The following CEP104 variants were observed in gnomAD, a reference collection of about 807,000 sequenced individuals.
CEP104 encodes centrosomal protein 104, also known as centrosomal protein of 104 kDa.
CEP104 carries 84 observed loss-of-function variants against 113.3 expected under a neutral mutation model. The observed-to-expected ratio is 0.74, with a 90% confidence interval of 0.62 to 0.89. CEP104 has a LOEUF of 0.89. CEP104 is among the 40% of genes least tolerant of loss of function. CEP104 has a pLI of 0.00. For synonymous variants in CEP104, 378 were observed against 421.7 expected (o/e 0.90, Z 1.27); for missense variants, 1,053 against 1,156.6 (o/e 0.91, Z 1.30).
chr1:3,850,513 G>C (rs1200345827), intron 2 of CEP104, among the ~76,000 whole-genome samples: 1 of 152,260 alleles, frequency 6.6e-6, no homozygotes, highest in Admixed American at 6.5e-5. Flanking sequence ...CGGCACTGGG[G>C]GTCTCCCTAT....
chr1:3,817,338 T>A (rs2124632472), intron 20 of CEP104, among the ~76,000 whole-genome samples: 1 of 152,136 alleles, frequency 6.6e-6, no homozygotes, highest in Non-Finnish European at 1.5e-5. Context: ...TGAGACTCCA[T>A]CTCAAAAACA....
rs1432111516 is a variant in CEP104, at chr1:3,857,207, G to A, written c.-333C>T. On this transcript the variant is annotated 5_prime_UTR_variant, in exon 1 of 22. Coordinates refer to ENST00000378230, the MANE Select transcript of CEP104 (RefSeq NM_014704.4). The stretch of plus-strand genomic sequence containing the variant: ...TCCACTCTCATGACAACCAAGCCCA[G>A]CCCTGGGCCAGGGCCTCTGCGCGTG... The A allele has an allele frequency of 1.8e-5, 3 of 163,286 alleles. No individual in the cohort carries two copies. Among genetic ancestry groups the A allele is most frequent in the African/African-American group, 7.2e-5 (3 of 41,888 alleles). 10.1% of individuals were successfully genotyped at this position (163,286 alleles called of 1,614,324 possible).
At position 3,833,934 on chromosome 1, in the gene CEP104, G is replaced by A. The variant is rs1218593430; in HGVS notation, c.1587C>T (p.Thr529=). Residue 529 remains threonine (T), a synonymous_variant, in exon 12 of 22, where the codon ACC becomes ACT. Coordinates refer to ENST00000378230, the MANE Select transcript of CEP104 (RefSeq NM_014704.4). The part of the protein sequence containing the change: ...KLETAHCVER[T]IPVLLTRTGD... ...CAGTTCTGGTGAGCAAAACGGGAAT[G>A]GTCCTCTCCACACAGTGAGCTGTTT... 1 of 1,614,116 alleles carries A rather than the reference G, an allele frequency of 6.2e-7. No homozygotes were observed. Among genetic ancestry groups the A allele is most frequent in the Admixed American group, 1.7e-5 (1 of 60,014 alleles).
intron 2 of CEP104, among the ~76,000 whole-genome samples, chr1:3,851,428 T>C (rs776947195): frequency 1.6e-4 from 24 of 152,100 alleles, no homozygotes; most frequent in Non-Finnish European, 1.6e-4. Flanking sequence ...TATTTACGCG[T>C]TCGCGGGTTA....
Position 3,848,714 on chromosome 1 carries a change from A to G in CEP104, c.181T>C (p.Leu61=), listed in dbSNP as rs373805672. The change falls in exon 3 of 22, where the codon TTA becomes CTA. Residue 61 remains leucine (L), a synonymous_variant. Transcript: ENST00000378230. The part of the protein sequence containing the change: ...VERCRIRKLQ[L]LAHQYMISSK... ...GAAATCATATACTGGTGAGCAAGTAACTGCAGTTTCCTTATTCGACATCTC... is the reference window on the plus strand; with the variant it reads ...GAAATCATATACTGGTGAGCAAGTAGCTGCAGTTTCCTTATTCGACATCTC... 13 of 1,613,810 alleles carry G rather than the reference A, an allele frequency of 8.1e-6. No individual in the cohort carries two copies. Among genetic ancestry groups the G allele is most frequent in the Non-Finnish European group, 1.1e-5 (13 of 1,179,878 alleles).
chr1:3,844,113 A>G (rs1644464211), intron 6 of CEP104, among the ~76,000 whole-genome samples: 1 of 152,184 alleles, frequency 6.6e-6, no homozygotes, highest in Non-Finnish European at 1.5e-5. Context: ...CCTCTAAAGA[A>G]TAAACTTTTG....
intron 1 of CEP104, among the ~76,000 whole-genome samples, chr1:3,856,520 A>G (rs530115340): frequency 4.3e-4 from 66 of 152,368 alleles, no homozygotes; most frequent in African/African-American, 1.6e-3. Flanking sequence ...ATAGGGACAG[A>G]GCAATTTTCC....
intron 20 of CEP104, among the ~76,000 whole-genome samples, chr1:3,822,214 T>TGA (rs61301856): frequency 1.2e-3 from 183 of 151,816 alleles, no homozygotes; most frequent in Middle Eastern, 6.8e-3. Context: ...TTTCAAACTC[T>TGA]GAGAGAGAGA....
chr1:3,838,847 G>A (rs1644361941), intron 8 of CEP104, 117 bp downstream of exon 8: 3 of 1,093,592 alleles, frequency 2.7e-6, no homozygotes, highest in Admixed American at 1.9e-5. Flanking sequence ...TGTCCCCTGA[G>A]CACTGCAGAG....
Position 3,848,796 on chromosome 1 carries a change from A to G in CEP104, c.114-15T>C, listed in dbSNP as rs1450321866. 3.1e-6 allele frequency: 5 copies of G among 1,601,072 alleles called. No individual in the cohort carries two copies. The highest frequency in any genetic ancestry group is 4.3e-6 in the Non-Finnish European group (5 of 1,175,396). On this transcript the variant is annotated splice_polypyrimidine_tract_variant and intron_variant, in intron 2 of 21. Transcript: ENST00000378230. ...ACTGGCAAAATCTGAAAGCAAACAC[A>G]TTTTTATATTTTCTGAACAACTTCT...
At chr1:3,831,773 A>G (rs1644213067) in intron 12 of CEP104, among the ~76,000 whole-genome samples, 1 of 152,268 alleles carries the variant, frequency 6.6e-6, no homozygotes, top group South Asian at 2.1e-4. Flanking sequence ...AGAGAAAAAA[A>G]TAAGATGTTG....
At chr1:3,836,444 G>A in intron 10 of CEP104, 51 bp downstream of exon 10, 2 of 1,560,006 alleles carry the variant, frequency 1.3e-6, no homozygotes, top group Middle Eastern at 2.2e-4. Flanking sequence ...GTACCATATA[G>A]ACTAGCCTCC....
At chr1:3,828,569 A>G (rs6657042) in intron 15 of CEP104, among the ~76,000 whole-genome samples, 81,432 of 152,068 alleles carry the variant, frequency 0.54, 22,685 homozygotes, top group African/African-American at 0.66. Flanking sequence ...CTCTGCGTGC[A>G]CTGTGCAGCC....
At chr1:3,841,427 C>T (rs1482311944) in intron 6 of CEP104, among the ~76,000 whole-genome samples, 1 of 152,190 alleles carries the variant, frequency 6.6e-6, no homozygotes, top group Non-Finnish European at 1.5e-5. Flanking sequence ...TTTGGGGTGT[C>T]TACAAGATCA....
At chr1:3,835,599 C>T (rs993423515) in intron 10 of CEP104, among the ~76,000 whole-genome samples, 19 of 152,220 alleles carry the variant, frequency 1.2e-4, no homozygotes, top group African/African-American at 4.3e-4. Context: ...TCTTGAACTC[C>T]TGACCTCGTG....
chr1:3,835,142 C>A, intron 10 of CEP104, 50 bp from the exon 11 acceptor site: 3 of 1,448,222 alleles, frequency 2.1e-6, no homozygotes, highest in South Asian at 1.5e-5. Flanking sequence ...CATCCTCCAA[C>A]ACTACACAAC....
At chr1:3,832,116 T>C (rs1178309302) in intron 12 of CEP104, among the ~76,000 whole-genome samples, 1 of 152,244 alleles carries the variant, frequency 6.6e-6, no homozygotes, top group African/African-American at 2.4e-5. Flanking sequence ...TTAATGTGGC[T>C]TAAAAATAAT....
At position 3,823,207 on chromosome 1, in the gene CEP104, G is replaced by A. The variant is rs1209375429; in HGVS notation, c.2538C>T (p.Pro846=). The A allele has an allele frequency of 2.5e-6, 4 of 1,614,088 alleles. No individual in the cohort carries two copies. The East Asian group carries it at 6.7e-5, about 27-fold the overall frequency. The change falls in exon 20 of 22, where the codon CCC becomes CCT. Residue 846 remains proline, a synonymous_variant. Transcript: ENST00000378230. This position sits in a 1 kb window ranked among gnomAD's most constrained non-coding sequence, Gnocchi z 4.1. The stretch of plus-strand genomic sequence containing the variant: ...CAGGGCTGAAGTTCTCATGACACAG[G>A]GGACACCGGTTTGCCAGCTTCTCCG... The part of the protein sequence containing the change: ...AKPEKLANRC[P]LCHENFSPGE...
At position 3,823,729 on chromosome 1, in the gene CEP104, G is replaced by C. The variant is rs1396567464; in HGVS notation, c.2365-167C>G. Reference sequence around the variant, plus strand: ...TCGGCATTTGCCCACAGACTGTCTGGAGTCACTTGTGATACTTTGCTGAAG... The same window carrying C: ...TCGGCATTTGCCCACAGACTGTCTGCAGTCACTTGTGATACTTTGCTGAAG... On this transcript the variant is annotated intron_variant, in intron 18 of 21. Transcript: ENST00000378230. The surrounding 1 kb of genome is among the most constrained non-coding windows in gnomAD (Gnocchi z 4.1). Among the ~76,000 whole-genome samples, 12 of 152,242 alleles carry C rather than the reference G, an allele frequency of 7.9e-5. No individual in the cohort carries two copies. The highest frequency in any genetic ancestry group is 7.9e-4 in the Admixed American group (12 of 15,284).
Sources: allele counts gnomAD v4.1 joint callset (sites outside exome capture counted in the v4.1 genomes callset), GRCh38; gene constraint gnomAD v4.1.1; non-coding constraint Gnocchi (gnomAD v3.1); transcripts MANE v1.5; gene names NCBI Gene and HGNC (gene_info 2026-07-23, HGNC 2026-07-21).